The following ZDHHC21 variants were observed in gnomAD, a reference collection of about 807,000 sequenced individuals.
The protein encoded by ZDHHC21 is palmitoyltransferase ZDHHC21.
Under a neutral mutation model 34.6 loss-of-function variants are expected in ZDHHC21, and 15 were observed. The ratio of observed to expected loss-of-function variants is 0.43; its 90% CI spans 0.29 to 0.67. The LOEUF (loss-of-function observed/expected upper bound fraction) is 0.67. Among genes scored for constraint, ZDHHC21 ranks in the 30% least tolerant of loss-of-function variants. The pLI, the probability that ZDHHC21 is intolerant of heterozygous loss-of-function variation, is 0.14. For synonymous variants in ZDHHC21, 142 were observed against 101.8 expected (o/e 1.40, Z -2.38); for missense variants, 344 against 327.7 (o/e 1.05, Z -0.38).
At chr9:14,628,477 T>C (rs999284527) in intron 8 of ZDHHC21, among the ~76,000 whole-genome samples, 3 of 152,314 alleles carry the variant, frequency 2.0e-5, no homozygotes, top group African/African-American at 7.2e-5. Context: ...GTTTGATGTC[T>C]AGTAGGTCTA....
At chr9:14,684,115 G>A (rs1354419060) in intron 2 of ZDHHC21, among the ~76,000 whole-genome samples, 1 of 151,794 alleles carries the variant, frequency 6.6e-6, no homozygotes, top group African/African-American at 2.4e-5. Flanking sequence ...GGCAAAAACT[G>A]GAAGCATTCC....
intron 2 of ZDHHC21, among the ~76,000 whole-genome samples, chr9:14,685,313 G>C (rs1838127746): frequency 6.6e-6 from 1 of 151,708 alleles, no homozygotes; most frequent in African/African-American, 2.4e-5. Context: ...ATCTGACAAA[G>C]GGCTAATATC....
intron 6 of ZDHHC21, among the ~76,000 whole-genome samples, chr9:14,659,685 G>C (rs1564324711): frequency 6.6e-6 from 1 of 152,120 alleles, no homozygotes; most frequent in South Asian, 2.1e-4. Context: ...CGATGTAACA[G>C]GTTTCGGTCC....
chr9:14,594,394 A>G, the ZDHHC21 span, among the ~76,000 whole-genome samples: 1 of 152,254 alleles, frequency 6.6e-6, no homozygotes, highest in Non-Finnish European at 1.5e-5. Context: ...CATGCTAGAA[A>G]TAAGCATTAC....
At chr9:14,666,643 A>C (rs2133996547) in intron 5 of ZDHHC21, among the ~76,000 whole-genome samples, 1 of 109,846 alleles carries the variant, frequency 9.1e-6, no homozygotes, top group Non-Finnish European at 2.1e-5. Flanking sequence ...AATTATAACA[A>C]ACTGTCTCTC....
chr9:14,651,516 T>C (rs1443378371), intron 7 of ZDHHC21, among the ~76,000 whole-genome samples: 25 of 151,910 alleles, frequency 1.6e-4, no homozygotes, highest in Admixed American at 1.6e-3. Flanking sequence ...ACCTGTAAGA[T>C]GGCAACCATA....
At chr9:14,655,998 T>C (rs755848107) in intron 7 of ZDHHC21, among the ~76,000 whole-genome samples, 5 of 146,900 alleles carry the variant, frequency 3.4e-5, no homozygotes, top group Admixed American at 6.7e-5. Context: ...GTTAAACTAA[T>C]AACAGAAAAA....
At position 14,670,425 on chromosome 9, in the gene ZDHHC21, C is replaced by T. The variant is rs546100735; in HGVS notation, c.253+2405G>A. On this transcript the variant is annotated intron_variant, in intron 5 of 9. Coordinates refer to ENST00000380916, the MANE Select transcript of ZDHHC21 (RefSeq NM_178566.6). ...AATTATTGAAAATAACAATTTGTGA[C>T]ATGTAAAATCATAAAATTCAAATTT... 1.2e-4 allele frequency among the ~76,000 whole-genome samples: 18 copies of T among 152,164 alleles called. No individual in the cohort carries two copies. In the South Asian group the frequency reaches 2.7e-3, roughly 23 times the overall value.
rs1223984598 is a variant in ZDHHC21, at chr9:14,614,727, C to T, written c.*4239G>A. ...ATACAGTTAATACTAGCAAGTAGAACACATTAAATGTACATGGCTTATTTG... is the reference window on the plus strand; with the variant it reads ...ATACAGTTAATACTAGCAAGTAGAATACATTAAATGTACATGGCTTATTTG... On this transcript the variant is annotated 3_prime_UTR_variant, in exon 10 of 10. Coordinates refer to ENST00000380916, the MANE Select transcript of ZDHHC21 (RefSeq NM_178566.6). 1 of 151,648 alleles carries T rather than the reference C, an allele frequency of 6.6e-6. No individual in the cohort carries two copies. The highest frequency in any genetic ancestry group is 1.9e-4 in the East Asian group (1 of 5,188). 9.4% of individuals were successfully genotyped at this position (151,648 alleles called of 1,614,324 possible). A position where few individuals can be genotyped will look rare whatever the true frequency, so the allele number is the denominator to read the frequency against.
rs1823288268 is a variant in ZDHHC21, at chr9:14,611,488, G to T, written c.*7478C>A. 1 of 151,886 alleles carries T rather than the reference G, an allele frequency of 6.6e-6. No individual in the cohort carries two copies. The highest frequency in any genetic ancestry group is 2.4e-5 in the African/African-American group (1 of 41,370). The allele number at this position is 151,886 out of a possible 1,614,324, so 9.4% of individuals were successfully genotyped here. ...AAGGTAAAAATAATAGACAATGCAA[G>T]GAAAACAGCACTCAGATCTATACAT... On this transcript the variant is annotated 3_prime_UTR_variant, in exon 10 of 10. Coordinates refer to ENST00000380916, the MANE Select transcript of ZDHHC21 (RefSeq NM_178566.6).
At chr9:14,677,658 T>A (rs1836663844) in intron 3 of ZDHHC21, among the ~76,000 whole-genome samples, 1 of 152,082 alleles carries the variant, frequency 6.6e-6, no homozygotes, top group Non-Finnish European at 1.5e-5. Context: ...TCAACATTTT[T>A]TAAGATTGCT....
intron 1 of ZDHHC21, 116 bp from the exon 2 acceptor site, chr9:14,690,501 C>T: frequency 2.6e-6 from 1 of 377,514 alleles, no homozygotes. Context: ...CAATTTTACC[C>T]AACCTGCCCT....
In ZDHHC21 at chr9:14,612,822, T is replaced by C. The variant is rs949581010; in HGVS notation, c.*6144A>G. ...GCAAAGTAGACAAATGGCAATATTA[T>C]TCTTTAAAGCCACTAAAGATTACAC... On this transcript the variant is annotated 3_prime_UTR_variant, in exon 10 of 10. Coordinates refer to ENST00000380916, the MANE Select transcript of ZDHHC21 (RefSeq NM_178566.6). The C allele has an allele frequency of 2.7e-5, 4 of 148,140 alleles. No homozygotes were observed. Among genetic ancestry groups the C allele is most frequent in the African/African-American group, 1.0e-4 (4 of 40,066 alleles). The allele number at this position is 148,140 out of a possible 1,614,324, so 9.2% of individuals were successfully genotyped here. A position where few individuals can be genotyped will look rare whatever the true frequency, so the allele number is the denominator to read the frequency against.
At chr9:14,657,271 A>C (rs1832419523) in intron 7 of ZDHHC21, among the ~76,000 whole-genome samples, 1 of 152,140 alleles carries the variant, frequency 6.6e-6, no homozygotes, top group Non-Finnish European at 1.5e-5. Flanking sequence ...TCCCTCTGAG[A>C]GTTTTCACTA....
rs1057352542 is a variant in ZDHHC21, at chr9:14,664,713, G to T, written c.254-2387C>A. Among the ~76,000 whole-genome samples the T allele has an allele frequency of 1.4e-4, 21 of 152,000 alleles. 1 individual carries two copies. The highest frequency in any genetic ancestry group is 4.8e-4 in the African/African-American group (20 of 41,394). On this transcript the variant is annotated intron_variant, in intron 5 of 9. Coordinates refer to ENST00000380916, the MANE Select transcript of ZDHHC21 (RefSeq NM_178566.6). ...TCCCTGACCCCCAAGCAGCCTAACT[G>T]GGAGGCACCCCCCAGCAGGGGCACA... is the stretch of plus-strand genomic sequence containing the variant.
At chr9:14,621,371 A>C in intron 8 of ZDHHC21, among the ~76,000 whole-genome samples, 1 of 152,070 alleles carries the variant, frequency 6.6e-6, no homozygotes, top group African/African-American at 2.4e-5. Context: ...ATCCTGAAGG[A>C]TTTATTTGTG....
At chr9:14,686,959 C>T (rs919053265) in intron 2 of ZDHHC21, among the ~76,000 whole-genome samples, 2 of 139,470 alleles carry the variant, frequency 1.4e-5, no homozygotes, top group Admixed American at 7.3e-5. Context: ...GGCGACAGGG[C>T]GAGACTTCAT....
intron 7 of ZDHHC21, among the ~76,000 whole-genome samples, chr9:14,658,161 CTTTG>C (rs1832627019): frequency 6.6e-6 from 1 of 152,116 alleles, no homozygotes; most frequent in Admixed American, 6.5e-5. Context: ...AACATTTTGT[CTTTG>C]TTTTTCATTA....
chr9:14,666,513 C>T (rs1834470993), intron 5 of ZDHHC21, among the ~76,000 whole-genome samples: 1 of 98,986 alleles, frequency 1.0e-5, no homozygotes, highest in African/African-American at 3.3e-5. Flanking sequence ...TAGACATCTA[C>T]AGAACTCTCC....
Sources: allele counts gnomAD v4.1 joint callset (sites outside exome capture counted in the v4.1 genomes callset), GRCh38; gene constraint gnomAD v4.1.1; transcripts MANE v1.5; gene names NCBI Gene and HGNC (gene_info 2026-07-23, HGNC 2026-07-21).